SLC25A26: variants seen among roughly 807,000 people sequenced by gnomAD.
SLC25A26 encodes mitochondrial S-adenosylmethionine carrier protein.
SLC25A26 carries 36 observed loss-of-function variants against 37.8 expected under a neutral mutation model. That is an observed-to-expected ratio of 0.95 (90% CI 0.73 to 1.26). SLC25A26 has a LOEUF of 1.26. Ranked by LOEUF, SLC25A26 falls within the 50% of genes most tolerant of loss-of-function variation. The pLI is 0.00. For missense variants in SLC25A26, 390 were observed against 331.1 expected (o/e 1.18, Z -1.38); for synonymous variants, 129 against 122.5 (o/e 1.05, Z -0.35).
intron 2 of SLC25A26, among the ~76,000 whole-genome samples, chr3:66,239,816 CTTTT>C (rs536690709): frequency 1.0e-4 from 11 of 110,174 alleles, no homozygotes; most frequent in African/African-American, 3.1e-4. Context: ...TCCTTTCTTT[CTTTT>C]TTTTTTTTTT....
At chr3:66,146,574 G>A (rs561625390) in intron 1 of SLC25A26, among the ~76,000 whole-genome samples, 1 of 152,054 alleles carries the variant, frequency 6.6e-6, no homozygotes, top group Non-Finnish European at 1.5e-5. Context: ...TATAAGCAAA[G>A]CATTAGTTTT....
chr3:66,307,155 C>T (rs1319566446), intron 5 of SLC25A26, among the ~76,000 whole-genome samples: 1 of 152,238 alleles, frequency 6.6e-6, no homozygotes, highest in East Asian at 1.9e-4. Flanking sequence ...TCCACATCCT[C>T]TCCAGCATCT....
intron 1 of SLC25A26, among the ~76,000 whole-genome samples, chr3:66,181,761 C>T (rs1158821966): frequency 8.6e-5 from 13 of 151,140 alleles, no homozygotes; most frequent in Non-Finnish European, 1.5e-5. Context: ...TTCCTCCTTC[C>T]CTGATCCCCT....
At chr3:66,286,163 C>T (rs1194963354) in intron 5 of SLC25A26, among the ~76,000 whole-genome samples, 7 of 152,126 alleles carry the variant, frequency 4.6e-5, no homozygotes, top group African/African-American at 1.7e-4. Flanking sequence ...TGTAATTTCT[C>T]TAAACAGTAT....
intron 5 of SLC25A26, among the ~76,000 whole-genome samples, chr3:66,272,021 C>A (rs1267387637): frequency 6.6e-6 from 1 of 152,106 alleles, no homozygotes; most frequent in Non-Finnish European, 1.5e-5. Flanking sequence ...AAGTTAAAAT[C>A]TGAGAATACT....
chr3:66,156,094 C>T (rs1446989473), intron 1 of SLC25A26, among the ~76,000 whole-genome samples: 1 of 152,130 alleles, frequency 6.6e-6, no homozygotes, highest in Non-Finnish European at 1.5e-5. Flanking sequence ...GCTCCAGAAG[C>T]AGGGGCTCAG....
At chr3:66,246,694 G>A (rs370092200) in intron 3 of SLC25A26, among the ~76,000 whole-genome samples, 5 of 152,130 alleles carry the variant, frequency 3.3e-5, no homozygotes, top group South Asian at 2.1e-4. Flanking sequence ...TGGGGGTTCT[G>A]TGGTCCCTGA....
intron 5 of SLC25A26, among the ~76,000 whole-genome samples, chr3:66,275,337 A>G (rs541929866): frequency 2.2e-4 from 33 of 152,110 alleles, no homozygotes; most frequent in Non-Finnish European, 4.0e-4. Context: ...CCAGCATGGC[A>G]CATGTATACA....
intron 1 of SLC25A26, among the ~76,000 whole-genome samples, chr3:66,209,709 A>T (rs2071249393): frequency 7.2e-6 from 1 of 138,246 alleles, no homozygotes; most frequent in South Asian, 2.3e-4. Context: ...AAATATATAG[A>T]TATATATATT....
intron 7 of SLC25A26, among the ~76,000 whole-genome samples, chr3:66,368,666 G>C (rs971360809): frequency 6.6e-6 from 1 of 152,144 alleles, no homozygotes; most frequent in Non-Finnish European, 1.5e-5. Context: ...GAGTCTGTTT[G>C]TCCATTTTGC....
intron 5 of SLC25A26, chr3:66,324,228 GTA>G (rs1553695454): frequency 2.3e-5 from 3 of 129,230 alleles, no homozygotes; most frequent in Non-Finnish European, 4.8e-5. Flanking sequence ...GTGTGTGTGT[GTA>G]GTTTGACAGC....
chr3:66,187,352 T>C (rs1049221822), intron 1 of SLC25A26, among the ~76,000 whole-genome samples: 83 of 152,116 alleles, frequency 5.5e-4, no homozygotes, highest in African/African-American at 1.9e-3. Flanking sequence ...TCATCCAGAA[T>C]TGGACCTTTA....
At chr3:66,214,159 C>A (rs1190715362) in intron 1 of SLC25A26, among the ~76,000 whole-genome samples, 1 of 152,024 alleles carries the variant, frequency 6.6e-6, no homozygotes, top group Non-Finnish European at 1.5e-5. Flanking sequence ...TCTTGAATGG[C>A]TTGGCCCCAT....
At chr3:66,367,976 C>T (rs979401469) in intron 7 of SLC25A26, among the ~76,000 whole-genome samples, 1 of 152,150 alleles carries the variant, frequency 6.6e-6, no homozygotes, top group African/African-American at 2.4e-5. Flanking sequence ...TAGTATTACC[C>T]CTAAGGTGTG....
chr3:66,357,637 A>T (rs1184444481), intron 6 of SLC25A26, among the ~76,000 whole-genome samples: 1 of 152,138 alleles, frequency 6.6e-6, no homozygotes, highest in East Asian at 1.9e-4. Context: ...AGAAATGATC[A>T]TTAGACCTCT....
At chr3:66,168,153 C>CAAAA (rs1238897849) in intron 1 of SLC25A26, among the ~76,000 whole-genome samples, 6 of 53,476 alleles carry the variant, frequency 1.1e-4, no homozygotes, top group African/African-American at 3.8e-4. Context: ...AACTCAGTCT[C>CAAAA]AAAAAAAATA....
rs1465482285 is a variant in SLC25A26, at chr3:66,286,200, T to G, written c.453+22821T>G. Among the ~76,000 whole-genome samples the G allele has an allele frequency of 3.9e-5, 6 of 152,314 alleles. No homozygotes were observed. In the South Asian group the frequency reaches 1.0e-3, roughly 26 times the overall value. ...ATTTGCAAAGTTAAAGTTTTAAATTTTGGTAAAGTTCAGTTCATTTTTTCT... is the reference window on the plus strand; with the variant it reads ...ATTTGCAAAGTTAAAGTTTTAAATTGTGGTAAAGTTCAGTTCATTTTTTCT... On this transcript the variant is annotated intron_variant, in intron 5 of 9. Transcript: ENST00000354883.
At chr3:66,358,369 A>T (rs555969500) in intron 6 of SLC25A26, among the ~76,000 whole-genome samples, 1 of 152,236 alleles carries the variant, frequency 6.6e-6, no homozygotes, top group Non-Finnish European at 1.5e-5. Context: ...TATTCAGACA[A>T]TTCCTCATTT....
chr3:66,279,635 C>A (rs940911223), intron 5 of SLC25A26, among the ~76,000 whole-genome samples: 4 of 152,034 alleles, frequency 2.6e-5, no homozygotes, highest in Non-Finnish European at 5.9e-5. Context: ...AAATGTGTTT[C>A]ACTGGTTTGT....
Sources: allele counts gnomAD v4.1 joint callset (sites outside exome capture counted in the v4.1 genomes callset), GRCh38; gene constraint gnomAD v4.1.1; transcripts MANE v1.5; gene names NCBI Gene and HGNC (gene_info 2026-07-23, HGNC 2026-07-21).